Variants in KCNA6 observed in about 807,000 individuals in gnomAD.
KCNA6 encodes human brain potassium channel-2.
A neutral mutation model predicts 29.5 loss-of-function variants in KCNA6; 17 were observed. The ratio of observed to expected loss-of-function variants is 0.58; its 90% CI spans 0.39 to 0.86. KCNA6 has a LOEUF of 0.86. Among genes scored for constraint, KCNA6 ranks in the 40% least tolerant of loss-of-function variants. The pLI is 0.00. For missense variants in KCNA6, 450 were observed against 703.4 expected (o/e 0.64, Z 4.07); for synonymous variants, 296 against 304.7 (o/e 0.97, Z 0.30).
At chr12:4,820,546 A>AACACACATAC in the KCNA6 span, among the ~76,000 whole-genome samples, 1 of 134,674 alleles carries the variant, frequency 7.4e-6, no homozygotes, top group African/African-American at 2.9e-5. Context: ...GGATTACCTA[A>AACACACATAC]ACACACACAC....
At chr12:4,833,918 T>C in the KCNA6 span, among the ~76,000 whole-genome samples, 1 of 135,250 alleles carries the variant, frequency 7.4e-6, no homozygotes, top group Admixed American at 8.6e-5. Flanking sequence ...CGTCTCCTTC[T>C]TTTTTAAATT....
At chr12:4,827,389 C>T in the KCNA6 span, among the ~76,000 whole-genome samples, 25 of 152,128 alleles carry the variant, frequency 1.6e-4, no homozygotes, top group African/African-American at 4.3e-4. Flanking sequence ...TGGTTTTGGC[C>T]GTTTCAAGCA....
At position 4,810,420 on chromosome 12, in the gene KCNA6, G is replaced by C; in HGVS notation, c.379G>C (p.Gly127Arg). The C allele has an allele frequency of 6.2e-7, 1 of 1,614,120 alleles. No homozygotes were observed. The stretch of plus-strand genomic sequence containing the variant: ...GGAGGAGATCCGCTTCTACCAGCTG[G>C]GGGACGAGGCCCTGGCGGCCTTCCG... Residue 127 changes from glycine to arginine, a missense_variant, in exon 1 of 1, where the codon GGG becomes CGG. This residue lies in a region of KCNA6 where 133 missense variants were observed against 217.5 expected (regional missense o/e 0.61). Coordinates refer to ENST00000280684, the Ensembl canonical transcript of KCNA6. The surrounding 1 kb of genome is among the most constrained non-coding windows in gnomAD (Gnocchi z 7.5).
chr12:4,834,184 T>G, the KCNA6 span, among the ~76,000 whole-genome samples: 1 of 152,064 alleles, frequency 6.6e-6, no homozygotes, highest in Non-Finnish European at 1.5e-5. Flanking sequence ...GTCCTCCCAC[T>G]TTGGCCTCCC....
the KCNA6 span, among the ~76,000 whole-genome samples, chr12:4,845,077 C>G: frequency 2.6e-5 from 4 of 152,160 alleles, no homozygotes; most frequent in African/African-American, 9.7e-5. Context: ...ACTGTCTTGC[C>G]TGCTTTCTCT....
At chr12:4,848,521 A>AAG in the KCNA6 span, among the ~76,000 whole-genome samples, 1 of 151,458 alleles carries the variant, frequency 6.6e-6, no homozygotes, top group East Asian at 1.9e-4. Flanking sequence ...GAGCAAAAAA[A>AAG]AAAAAATCCA....
chr12:4,832,243 C>G, the KCNA6 span, among the ~76,000 whole-genome samples: 2 of 152,066 alleles, frequency 1.3e-5, no homozygotes, highest in Non-Finnish European at 2.9e-5. Flanking sequence ...ATGTGAGACT[C>G]TGGCAATGTG....
chr12:4,825,481 C>G, the KCNA6 span, among the ~76,000 whole-genome samples: 1 of 152,176 alleles, frequency 6.6e-6, no homozygotes, highest in East Asian at 1.9e-4. Flanking sequence ...TCACATACCC[C>G]CAAAACTCAT....
chr12:4,815,943 A>G (rs949703425), downstream of KCNA6, among the ~76,000 whole-genome samples: 2 of 152,232 alleles, frequency 1.3e-5, no homozygotes, highest in Admixed American at 6.5e-5. Context: ...TTGGCCCCAG[A>G]TAAGTTTTGG....
chr12:4,810,340 A>G lies in KCNA6; in HGVS notation c.299A>G (p.Tyr100Cys), dbSNP rs2137571287. The stretch of plus-strand genomic sequence containing the variant: ...AGCTTCGACGCCATCCTCTACTACT[A>G]CCAGTCTGGGGGCCGCCTGCGGAGG... The change falls in exon 1 of 1, where the codon TAC becomes TGC. Residue 100 changes from tyrosine to cysteine, a missense_variant. Around this residue, in one of 7 missense-constraint regions of KCNA6, gnomAD observed 133 missense variants for 217.5 expected, o/e 0.61. Transcript: ENST00000280684. This position sits in a 1 kb window ranked among gnomAD's most constrained non-coding sequence, Gnocchi z 7.5. 6.2e-7 allele frequency: 1 copy of G among 1,613,890 alleles called. No individual in the cohort carries two copies. The highest frequency in any genetic ancestry group is 8.5e-7 in the Non-Finnish European group (1 of 1,179,946).
chr12:4,848,258 C>A, the KCNA6 span, among the ~76,000 whole-genome samples: 1 of 146,528 alleles, frequency 6.8e-6, no homozygotes, highest in Admixed American at 6.8e-5. Context: ...TGTCAACTGA[C>A]ACCCTCAACT....
chr12:4,845,509 G>A, the KCNA6 span, among the ~76,000 whole-genome samples: 4 of 152,186 alleles, frequency 2.6e-5, no homozygotes, highest in African/African-American at 7.2e-5. Context: ...TTGTGGAGGT[G>A]TTGGACATTA....
At chr12:4,838,685 T>TG in the KCNA6 span, among the ~76,000 whole-genome samples, 1 of 152,242 alleles carries the variant, frequency 6.6e-6, no homozygotes, top group East Asian at 1.9e-4. Context: ...TTTTAACTGC[T>TG]GTGGTGGCTA....
At chr12:4,827,217 CT>C in the KCNA6 span, among the ~76,000 whole-genome samples, 22 of 141,426 alleles carry the variant, frequency 1.6e-4, no homozygotes, top group South Asian at 5.1e-3. Flanking sequence ...TCCTTCCTTC[CT>C]TCCTTCCTTC....
At chr12:4,842,943 G>C in the KCNA6 span, among the ~76,000 whole-genome samples, 3 of 152,138 alleles carry the variant, frequency 2.0e-5, no homozygotes, top group African/African-American at 7.2e-5. Context: ...GGTGGGACTA[G>C]GGCAATGGTG....
the KCNA6 span, among the ~76,000 whole-genome samples, chr12:4,841,377 G>T: frequency 2.0e-5 from 3 of 151,912 alleles, no homozygotes; most frequent in African/African-American, 7.3e-5. Context: ...CAGTTTTTTT[G>T]TCCTTATTTT....
the KCNA6 span, among the ~76,000 whole-genome samples, chr12:4,821,053 T>G: frequency 2.2e-4 from 33 of 152,120 alleles, no homozygotes; most frequent in Non-Finnish European, 8.8e-5. Flanking sequence ...TCTGATGCCT[T>G]GGGAGGCAGA....
chr12:4,828,599 G>A, the KCNA6 span, among the ~76,000 whole-genome samples: 2 of 152,136 alleles, frequency 1.3e-5, no homozygotes, highest in Admixed American at 6.6e-5. Flanking sequence ...TGATAGCAGC[G>A]GACACTCACA....
Position 4,810,150 on chromosome 12 carries a change from T to A in KCNA6, c.109T>A (p.Cys37Ser), listed in dbSNP as rs1371745229. The A allele has an allele frequency of 1.9e-6, 3 of 1,606,606 alleles. No individual in the cohort carries two copies. The highest frequency in any genetic ancestry group is 1.7e-6 in the Non-Finnish European group (2 of 1,176,762). ...CCCGGAGGCCGGCGGGGGCGGGGGCTGCTGTAGTAGCGAGCGGCTGGTGAT... is the reference window on the plus strand; with the variant it reads ...CCCGGAGGCCGGCGGGGGCGGGGGCAGCTGTAGTAGCGAGCGGCTGGTGAT... Residue 37 changes from cysteine to serine, a missense_variant, in exon 1 of 1, where the codon TGC (cysteine) becomes AGC (serine). Cys to Ser is a moderately radical substitution (Grantham distance 112). Transcript: ENST00000280684. This position sits in a 1 kb window ranked among gnomAD's most constrained non-coding sequence, Gnocchi z 7.5.
Sources: gnomAD v4.1 joint callset for allele counts (sites outside exome capture counted in the v4.1 genomes callset) on GRCh38, gnomAD v4.1.1 for gene constraint, gnomAD v4.1.1 regional missense constraint, Gnocchi (gnomAD v3.1) non-coding constraint, MANE v1.5 for transcripts, NCBI Gene and HGNC (gene_info 2026-07-23, HGNC 2026-07-21) for gene names.